VAC14: variants seen among roughly 807,000 people sequenced by gnomAD.
VAC14 encodes the protein VAC14 component of PIKFYVE complex, also known as protein VAC14 homolog.
In VAC14, 47 loss-of-function variants were observed where a neutral mutation model predicts 85.3. The ratio of observed to expected loss-of-function variants is 0.55; its 90% CI spans 0.44 to 0.70. VAC14 has a LOEUF of 0.70. Among genes scored for constraint, VAC14 ranks in the 30% least tolerant of loss-of-function variants. VAC14 has a pLI of 0.00. For missense variants in VAC14, 861 were observed against 1,004.3 expected (o/e 0.86, Z 1.93); for synonymous variants, 447 against 430.5 (o/e 1.04, Z -0.47).
intron 14 of VAC14, among the ~76,000 whole-genome samples, chr16:70,717,772 G>C (rs1447822703): frequency 6.6e-6 from 1 of 152,152 alleles, no homozygotes; most frequent in Admixed American, 6.5e-5. Context: ...TCAGCCTCCT[G>C]AGTAGCTGAG....
At chr16:70,710,578 T>C (rs1215081687) in intron 14 of VAC14, among the ~76,000 whole-genome samples, 4 of 152,220 alleles carry the variant, frequency 2.6e-5, no homozygotes, top group Non-Finnish European at 5.9e-5. Context: ...TGTTTTCCTT[T>C]ACTTCAGGCG....
chr16:70,709,493 G>C (rs766144155), intron 14 of VAC14, among the ~76,000 whole-genome samples: 2 of 152,194 alleles, frequency 1.3e-5, no homozygotes, highest in African/African-American at 4.8e-5. Flanking sequence ...CACCTCTGTG[G>C]GTGGATGGCA....
chr16:70,774,577 A>G lies in VAC14; in HGVS notation c.1097-2405T>C, dbSNP rs560669214. Among the ~76,000 whole-genome samples the G allele has an allele frequency of 3.3e-5, 5 of 152,276 alleles. No individual in the cohort carries two copies. The South Asian group carries it at 1.0e-3, about 32-fold the overall frequency. ...AAAAATATTCTGTTTTCCCTCAAAC[A>G]TGTCCCCAGTGATTGACCGCAGCAC... On this transcript the variant is annotated intron_variant, in intron 9 of 18. Coordinates refer to ENST00000261776, the MANE Select transcript of VAC14 (RefSeq NM_018052.5).
Position 70,734,575 on chromosome 16 carries a change from T to A in VAC14, c.1529-2948A>T, listed in dbSNP as rs117967798. On this transcript the variant is annotated intron_variant, in intron 13 of 18. Coordinates refer to ENST00000261776, the MANE Select transcript of VAC14 (RefSeq NM_018052.5). ...ATCTAAGGTCATAAAGATTTGCTGATGTATTTTAGGTCTCTGGTCTATTTT... is the reference window on the plus strand; with the variant it reads ...ATCTAAGGTCATAAAGATTTGCTGAAGTATTTTAGGTCTCTGGTCTATTTT... Among the ~76,000 whole-genome samples, 553 of 152,378 alleles carry A rather than the reference T, an allele frequency of 3.6e-3. 2 individuals carry two copies. The highest frequency in any genetic ancestry group is 0.014 in the South Asian group (70 of 4,830).
rs543480836 is a variant in VAC14, at chr16:70,754,650, T to C, written c.1371+7890A>G. On this transcript the variant is annotated intron_variant, in intron 12 of 18. Transcript: ENST00000261776. Reference sequence around the variant, plus strand: ...AGGAAGAGGGTCCCCGGGCCATCAGTGCCCACCCAGCTCCTCTCCCCTGCA... The same window carrying C: ...AGGAAGAGGGTCCCCGGGCCATCAGCGCCCACCCAGCTCCTCTCCCCTGCA... Among the ~76,000 whole-genome samples the C allele has an allele frequency of 7.9e-5, 12 of 152,236 alleles. No homozygotes were observed. In the South Asian group the frequency reaches 2.5e-3, roughly 32 times the overall value.
In VAC14 at chr16:70,743,911, C is replaced by A. The variant is rs757440617; in HGVS notation, c.1528+512G>T. ...CTGCCATCTGGAAGGGACCGAGGGG[C>A]GAGTGCTGGGGGTGCTACGGCCACC... is the stretch of plus-strand genomic sequence containing the variant. On this transcript the variant is annotated intron_variant, in intron 13 of 18. Coordinates refer to ENST00000261776, the MANE Select transcript of VAC14 (RefSeq NM_018052.5). Among the ~76,000 whole-genome samples, 4 of 152,246 alleles carry A rather than the reference C, an allele frequency of 2.6e-5. No homozygotes were observed. The East Asian group carries it at 7.8e-4, about 30-fold the overall frequency.
intron 12 of VAC14, among the ~76,000 whole-genome samples, chr16:70,759,004 C>T (rs764584179): frequency 2.6e-5 from 4 of 152,144 alleles, no homozygotes; most frequent in African/African-American, 4.8e-5. Context: ...AGGTGTCACT[C>T]GGTGGAACTG....
chr16:70,708,351 G>GA (rs2053962915), intron 14 of VAC14, among the ~76,000 whole-genome samples: 1 of 152,262 alleles, frequency 6.6e-6, no homozygotes, highest in South Asian at 2.1e-4. Context: ...TTGTAGGACA[G>GA]AAAATTAACT....
chr16:70,794,547 A>C (rs2034466208), intron 1 of VAC14, among the ~76,000 whole-genome samples: 1 of 152,250 alleles, frequency 6.6e-6, no homozygotes, highest in African/African-American at 2.4e-5. Flanking sequence ...GAGGTAAAAC[A>C]GGCTCTGGTT....
chr16:70,764,032 A>G (rs1171463887), intron 10 of VAC14, among the ~76,000 whole-genome samples: 1 of 152,184 alleles, frequency 6.6e-6, no homozygotes, highest in Non-Finnish European at 1.5e-5. Flanking sequence ...GGGCCAGCAG[A>G]TCAGTCCCCT....
chr16:70,791,299 C>T (rs575381000), intron 1 of VAC14, among the ~76,000 whole-genome samples: 1 of 152,226 alleles, frequency 6.6e-6, no homozygotes, highest in East Asian at 1.9e-4. Flanking sequence ...GACTCAGGAC[C>T]CCTCATTCTG....
At chr16:70,691,083 C>G in intron 18 of VAC14, 1 of 985,520 alleles carries the variant, frequency 1.0e-6, no homozygotes, top group Non-Finnish European at 1.2e-6. Flanking sequence ...GCCTCAACCC[C>G]TTGGCTCAAG....
intron 1 of VAC14, among the ~76,000 whole-genome samples, chr16:70,788,689 C>T (rs2034183738): frequency 6.6e-6 from 1 of 152,246 alleles, no homozygotes; most frequent in South Asian, 2.1e-4. Context: ...TACCAAACAG[C>T]TGGAGCATTG....
chr16:70,698,844 G>A (rs368681069), intron 14 of VAC14, 33 bp from the exon 15 acceptor site: 83 of 1,609,758 alleles, frequency 5.2e-5, no homozygotes, highest in Non-Finnish European at 6.8e-5. Context: ...TCAGGGCGCA[G>A]GCCGACCTGG....
chr16:70,736,067 G>C (rs2054741024), intron 13 of VAC14, among the ~76,000 whole-genome samples: 1 of 152,218 alleles, frequency 6.6e-6, no homozygotes, highest in African/African-American at 2.4e-5. Flanking sequence ...GCCCACACTG[G>C]AGGCACCCTG....
At chr16:70,731,829 T>C (rs1322218589) in intron 13 of VAC14, among the ~76,000 whole-genome samples, 1 of 152,086 alleles carries the variant, frequency 6.6e-6, no homozygotes, top group Non-Finnish European at 1.5e-5. Flanking sequence ...CAACTTGGCT[T>C]ACTGCAAAAA....
At chr16:70,712,230 A>G (rs922429492) in intron 14 of VAC14, among the ~76,000 whole-genome samples, 2 of 152,188 alleles carry the variant, frequency 1.3e-5, no homozygotes, top group Non-Finnish European at 2.9e-5. Context: ...AGAGGGCCCC[A>G]GACATGAGGC....
chr16:70,744,061 C>T lies in VAC14; in HGVS notation c.1528+362G>A, dbSNP rs149333566. ...GGAAGGGAATGGCCACCTAGTCTTC[C>T]ACCTGTTAGACCCCAAGACCGAAGC... On this transcript the variant is annotated intron_variant, in intron 13 of 18. Coordinates refer to ENST00000261776, the MANE Select transcript of VAC14 (RefSeq NM_018052.5). 1.8e-3 allele frequency among the ~76,000 whole-genome samples: 267 copies of T among 152,262 alleles called. 2 individuals are homozygous for T. Among genetic ancestry groups the T allele is most frequent in the African/African-American group, 6.0e-3 (250 of 41,550 alleles).
rs749648551 is a variant in VAC14, at chr16:70,697,207, T to C, written c.1887A>G (p.Pro629=). ...GGAAGCAGAGGGACACCGTGGTGAC[T>C]GGGTTGTGGCACCAGGAGCGGTACA... ...CCLYRSWCHN[P]VTTVSLCFLT... Residue 629 remains proline, a synonymous_variant, in exon 16 of 19, where the codon CCA becomes CCG. Transcript: ENST00000261776. The C allele has an allele frequency of 1.9e-6, 3 of 1,614,060 alleles. No homozygotes were observed. The highest frequency in any genetic ancestry group is 2.5e-6 in the Non-Finnish European group (3 of 1,179,980).
Sources: allele counts gnomAD v4.1 joint callset (sites outside exome capture counted in the v4.1 genomes callset), GRCh38; gene constraint gnomAD v4.1.1; transcripts MANE v1.5; gene names NCBI Gene and HGNC (gene_info 2026-07-23, HGNC 2026-07-21).